Variants in DET1 observed in about 807,000 individuals in gnomAD.
The protein encoded by DET1 is DET1 homolog.
A neutral mutation model predicts 43.7 loss-of-function variants in DET1; 22 were observed. That is an observed-to-expected ratio of 0.50 (90% CI 0.36 to 0.72). The LOEUF is 0.72. Ranked by LOEUF, DET1 falls within the 30% of genes least tolerant of loss-of-function variation. The probability of loss-of-function intolerance (pLI) is 0.00; values close to 1 mark genes in which losing one functional copy is unlikely to be tolerated. For missense variants in DET1, 713 were observed against 713.3 expected, an observed-to-expected ratio of 1.00 and a Z score of 0.00; for synonymous variants, 315 against 266.2, an observed-to-expected ratio of 1.18 and a Z score of -1.79.
chr15:88,542,765 G>GA (rs1223366430), intron 1 of DET1, among the ~76,000 whole-genome samples: 2 of 152,092 alleles, frequency 1.3e-5, no homozygotes, highest in Non-Finnish European at 2.9e-5. Flanking sequence ...CCCCATTCCA[G>GA]AAAAAATGGC....
chr15:88,521,148 G>C (rs2056479757), intron 3 of DET1, among the ~76,000 whole-genome samples: 1 of 152,126 alleles, frequency 6.6e-6, no homozygotes, highest in South Asian at 2.1e-4. Context: ...GCTCACTCCA[G>C]TCCAGCCACC....
intron 2 of DET1, among the ~76,000 whole-genome samples, chr15:88,528,570 T>C (rs1044393565): frequency 6.6e-6 from 1 of 152,244 alleles, no homozygotes; most frequent in Non-Finnish European, 1.5e-5. Context: ...TACTGCTTTT[T>C]CTAAATGGGC....
chr15:88,544,353 G>A (rs2057190810), intron 1 of DET1, among the ~76,000 whole-genome samples: 1 of 152,194 alleles, frequency 6.6e-6, no homozygotes, highest in African/African-American at 2.4e-5. Context: ...CCCTTTATCA[G>A]GCTAGGTTCT....
chr15:88,519,255 G>A (rs1213629454), intron 3 of DET1, among the ~76,000 whole-genome samples: 4 of 151,862 alleles, frequency 2.6e-5, no homozygotes, highest in Non-Finnish European at 4.4e-5. Context: ...CACTCTCTTC[G>A]ATGTCTTCAC....
chr15:88,515,877 A>C (rs1047519692), intron 4 of DET1, among the ~76,000 whole-genome samples: 4 of 152,164 alleles, frequency 2.6e-5, no homozygotes, highest in Non-Finnish European at 4.4e-5. Flanking sequence ...TGATGGGTAC[A>C]TGAAGGTTTA....
chr15:88,544,563 G>A (rs1404882442), intron 1 of DET1, among the ~76,000 whole-genome samples: 1 of 152,152 alleles, frequency 6.6e-6, no homozygotes, highest in East Asian at 1.9e-4. Flanking sequence ...ATTCGTTCCA[G>A]CCAGGAGAAC....
chr15:88,535,361 A>G (rs1243694596), intron 1 of DET1, among the ~76,000 whole-genome samples: 1 of 152,156 alleles, frequency 6.6e-6, no homozygotes, highest in East Asian at 1.9e-4. Flanking sequence ...AGACTGAAAA[A>G]AAGTCAGTAA....
At chr15:88,520,416 T>C (rs1367008558) in intron 3 of DET1, among the ~76,000 whole-genome samples, 1 of 152,214 alleles carries the variant, frequency 6.6e-6, no homozygotes, top group African/African-American at 2.4e-5. Context: ...GACCTGCACA[T>C]TGCTAACTCC....
chr15:88,532,169 G>A (rs1428600571), intron 1 of DET1, among the ~76,000 whole-genome samples: 2 of 152,116 alleles, frequency 1.3e-5, no homozygotes, highest in African/African-American at 4.8e-5. Flanking sequence ...TAGGCATGGT[G>A]GCACATGACT....
At chr15:88,511,482 T>A, downstream of DET1, 3 of 985,436 alleles carry the variant, frequency 3.0e-6, no homozygotes, top group East Asian at 1.1e-4. Flanking sequence ...CCTTGAAACA[T>A]CTTCAACTCT....
chr15:88,512,004 T>C (rs528376992), downstream of DET1, among the ~76,000 whole-genome samples: 16 of 151,958 alleles, frequency 1.1e-4, no homozygotes, highest in Admixed American at 8.5e-4. Flanking sequence ...CTGGCAAGAG[T>C]TGAGAATGTG....
intron 1 of DET1, among the ~76,000 whole-genome samples, chr15:88,541,348 A>G (rs575106052): frequency 6.6e-6 from 1 of 151,906 alleles, no homozygotes; most frequent in South Asian, 2.1e-4. Context: ...ATGATCAATA[A>G]ATACTAAGGG....
rs549599870 is a variant in DET1 at position 88,538,019 on chromosome 15, A to G, written c.-10-6304T>C. On this transcript the variant is annotated intron_variant, in intron 1 of 4. Transcript: ENST00000268148. ...CCCTGTACTCTCCAGACAGGAAGTA[A>G]CCAGGTCTACCTCGGTCATGCGGTA... is the stretch of plus-strand genomic sequence containing the variant. 3.9e-5 allele frequency among the ~76,000 whole-genome samples: 6 copies of G among 152,312 alleles called. No homozygotes were observed. The East Asian group carries it at 7.7e-4, about 20-fold the overall frequency.
At chr15:88,533,833 C>G (rs116633406) in intron 1 of DET1, among the ~76,000 whole-genome samples, 1,447 of 87,926 alleles carry the variant, frequency 0.016, 31 homozygotes, top group African/African-American at 0.059. Flanking sequence ...GCTTGGGCAA[C>G]AGAGCAAGAC....
intron 3 of DET1, among the ~76,000 whole-genome samples, chr15:88,520,661 T>C (rs535985908): frequency 4.7e-4 from 71 of 152,352 alleles, no homozygotes; most frequent in African/African-American, 1.7e-3. Flanking sequence ...TAGACCATCC[T>C]CCATTAATCA....
chr15:88,527,812 TG>T (rs2056705353), intron 2 of DET1, 26 bp from the exon 3 acceptor site: 1 of 1,535,104 alleles, frequency 6.5e-7, no homozygotes, highest in Non-Finnish European at 8.8e-7. Context: ...GAGAGAGGTA[TG>T]GGACAGCTGA....
intron 1 of DET1, among the ~76,000 whole-genome samples, chr15:88,541,740 C>T (rs2057111454): frequency 6.6e-6 from 1 of 152,248 alleles, no homozygotes. Context: ...AAATCCTCCT[C>T]CATGGCTCCG....
intron 1 of DET1, among the ~76,000 whole-genome samples, chr15:88,543,857 T>G (rs963164844): frequency 2.0e-5 from 3 of 152,176 alleles, no homozygotes; most frequent in South Asian, 4.1e-4. Context: ...AGCTCTCCAG[T>G]GCACAACCTG....
intron 8 of DET1, chr15:88,502,635 G>A (rs543563718): frequency 6.6e-6 from 1 of 152,374 alleles, no homozygotes; most frequent in Admixed American, 6.5e-5. Context: ...GCTCCCTGCA[G>A]GAGGTGAAAC....
Sources: gnomAD v4.1 joint callset for allele counts (sites outside exome capture counted in the v4.1 genomes callset) on GRCh38, gnomAD v4.1.1 for gene constraint, MANE v1.5 for transcripts, NCBI Gene and HGNC (gene_info 2026-07-23, HGNC 2026-07-21) for gene names.